DEPTOR: variants seen among roughly 807,000 people sequenced by gnomAD.
DEPTOR encodes the protein DEP domain-containing mTOR-interacting protein.
A neutral mutation model predicts 41.6 loss-of-function variants in DEPTOR; 41 were observed. The observed-to-expected ratio is 0.98, with a 90% confidence interval of 0.77 to 1.28. The LOEUF (loss-of-function observed/expected upper bound fraction) is 1.28. Ranked by LOEUF, DEPTOR falls within the 50% of genes most tolerant of loss-of-function variation. The probability of loss-of-function intolerance (pLI) is 0.00; values close to 1 mark genes in which losing one functional copy is unlikely to be tolerated. For synonymous variants in DEPTOR, 195 were observed against 192.3 expected (o/e 1.01, Z -0.12); for missense variants, 514 against 527.9 (o/e 0.97, Z 0.26).
At position 119,907,852 on chromosome 8, in the gene DEPTOR, T is replaced by C. The variant is rs191684593; in HGVS notation, c.123-20548T>C. On this transcript the variant is annotated intron_variant, in intron 1 of 8. Coordinates refer to ENST00000286234, the MANE Select transcript of DEPTOR (RefSeq NM_022783.4). ...GGGCAATTGAGTTACTGTGATATAA[T>C]ATGAAATATATTTAGTCCCTGGTTC... Among the ~76,000 whole-genome samples, 1,393 of 152,230 alleles carry C rather than the reference T, an allele frequency of 9.2e-3. 11 individuals carry two copies. Among genetic ancestry groups the C allele is most frequent in the Non-Finnish European group, 0.013 (859 of 68,010 alleles).
intron 4 of DEPTOR, among the ~76,000 whole-genome samples, chr8:119,991,163 G>C (rs1376365972): frequency 6.8e-6 from 1 of 147,926 alleles, no homozygotes; most frequent in Admixed American, 6.9e-5. Context: ...ACATGCGAAG[G>C]TTTGTTATGT....
chr8:119,897,985 A>T (rs6469864), intron 1 of DEPTOR, among the ~76,000 whole-genome samples: 75,430 of 151,768 alleles, frequency 0.5, 20,419 homozygotes, highest in East Asian at 0.92. Flanking sequence ...TGAAATGAAG[A>T]TGTACAAATA....
intron 4 of DEPTOR, among the ~76,000 whole-genome samples, chr8:120,000,622 C>A (rs1371442313): frequency 6.6e-6 from 1 of 151,894 alleles, no homozygotes; most frequent in East Asian, 2.0e-4. Context: ...GCCACCACAC[C>A]TGGCGAATTA....
intron 3 of DEPTOR, among the ~76,000 whole-genome samples, chr8:119,960,227 AAAAAAAAC>A (rs1357425680): frequency 6.6e-6 from 1 of 151,354 alleles, no homozygotes; most frequent in African/African-American, 2.4e-5. Flanking sequence ...CCCTCTCAAA[AAAAAAAAC>A]AAAAAACAAA....
intron 3 of DEPTOR, among the ~76,000 whole-genome samples, chr8:119,954,500 T>G (rs1828393127): frequency 6.6e-6 from 1 of 152,140 alleles, no homozygotes; most frequent in East Asian, 1.9e-4. Context: ...TTTTTAAAGC[T>G]CTCTTTCTAA....
intron 3 of DEPTOR, among the ~76,000 whole-genome samples, chr8:119,963,946 A>G (rs1828523387): frequency 6.6e-6 from 1 of 152,172 alleles, no homozygotes; most frequent in Admixed American, 6.5e-5. Context: ...GGGAGGTCCA[A>G]GATCAAGGTG....
intron 8 of DEPTOR, among the ~76,000 whole-genome samples, chr8:120,018,300 G>A (rs1013276631): frequency 1.3e-5 from 2 of 152,194 alleles, no homozygotes; most frequent in East Asian, 1.9e-4. Context: ...AGTTATAACC[G>A]GGCGTGGTGG....
At chr8:120,001,211 G>A (rs1812344842) in intron 4 of DEPTOR, among the ~76,000 whole-genome samples, 1 of 152,166 alleles carries the variant, frequency 6.6e-6, no homozygotes, top group African/African-American at 2.4e-5. Flanking sequence ...GGGGCAGACA[G>A]TGAGGGTGCA....
chr8:120,044,293 T>A (rs1004150715), intron 8 of DEPTOR, among the ~76,000 whole-genome samples: 3 of 151,970 alleles, frequency 2.0e-5, no homozygotes, highest in Non-Finnish European at 4.4e-5. Flanking sequence ...GCCCAGCTAA[T>A]GTTTCGTATT....
chr8:119,971,092 C>T (rs1358151574), intron 4 of DEPTOR, among the ~76,000 whole-genome samples: 2 of 152,014 alleles, frequency 1.3e-5, no homozygotes, highest in Non-Finnish European at 2.9e-5. Context: ...CTTAGCCGGG[C>T]ATGGTGGCAG....
intron 1 of DEPTOR, among the ~76,000 whole-genome samples, chr8:119,891,423 T>TA (rs1827451030): frequency 6.6e-6 from 1 of 152,136 alleles, no homozygotes; most frequent in South Asian, 2.1e-4. Context: ...ACCCACTAGA[T>TA]ATTAAGGCAC....
chr8:119,975,607 G>T (rs1171489706), intron 4 of DEPTOR, among the ~76,000 whole-genome samples: 1 of 152,128 alleles, frequency 6.6e-6, no homozygotes, highest in African/African-American at 2.4e-5. Flanking sequence ...ACTTGATTGG[G>T]TATCAAGGGT....
intron 4 of DEPTOR, among the ~76,000 whole-genome samples, chr8:119,988,680 A>G (rs1023185573): frequency 1.3e-5 from 2 of 151,858 alleles, no homozygotes; most frequent in African/African-American, 4.8e-5. Context: ...ATGGGGTTTC[A>G]CCATTTTGGA....
chr8:119,958,511 A>T (rs943659308), intron 3 of DEPTOR, among the ~76,000 whole-genome samples: 4 of 152,128 alleles, frequency 2.6e-5, no homozygotes, highest in African/African-American at 4.8e-5. Flanking sequence ...GTGGCCGGGC[A>T]TGGTGGCTCA....
intron 3 of DEPTOR, among the ~76,000 whole-genome samples, chr8:119,956,729 T>G (rs567347370): frequency 0.036 from 4,580 of 128,884 alleles, 67 homozygotes; most frequent in African/African-American, 0.044. Context: ...GGTTTTTTGT[T>G]TTTTTTTTTT....
intron 1 of DEPTOR, among the ~76,000 whole-genome samples, chr8:119,889,516 C>T (rs1377949624): frequency 6.8e-6 from 1 of 147,582 alleles, no homozygotes; most frequent in Non-Finnish European, 1.5e-5. Context: ...TACTGCACTC[C>T]AGCCTGGGTG....
At chr8:119,926,347 A>G (rs1386375130) in intron 1 of DEPTOR, among the ~76,000 whole-genome samples, 1 of 152,140 alleles carries the variant, frequency 6.6e-6, no homozygotes, top group African/African-American at 2.4e-5. Context: ...TAAGGACTCA[A>G]AGTGTCTTCT....
chr8:120,044,212 A>G (rs112290548), intron 8 of DEPTOR, among the ~76,000 whole-genome samples: 56,965 of 150,984 alleles, frequency 0.38, 11,116 homozygotes, highest in African/African-American at 0.45. Flanking sequence ...TGCAACCTCC[A>G]CCTCCCAGGT....
At chr8:119,904,125 G>GT (rs112778213) in intron 1 of DEPTOR, among the ~76,000 whole-genome samples, 9,527 of 146,604 alleles carry the variant, frequency 0.065, 512 homozygotes, top group South Asian at 0.18. Context: ...TCTTTTTTTT[G>GT]TTTTTTTTTT....
Sources: gnomAD v4.1 joint callset for allele counts (sites outside exome capture counted in the v4.1 genomes callset) on GRCh38, gnomAD v4.1.1 for gene constraint, MANE v1.5 for transcripts, NCBI Gene and HGNC (gene_info 2026-07-23, HGNC 2026-07-21) for gene names.